The following GPS1 variants were observed in gnomAD, a reference collection of about 807,000 sequenced individuals.
The protein encoded by GPS1 is COP9 signalosome complex subunit 1.
A neutral mutation model predicts 60.0 loss-of-function variants in GPS1; 11 were observed. The observed-to-expected ratio is 0.18, with a 90% CI of 0.12 to 0.30. The LOEUF (loss-of-function observed/expected upper bound fraction) is 0.30. Among genes scored for constraint, GPS1 ranks in the 10% least tolerant of loss-of-function variants. The pLI, the probability that GPS1 is intolerant of heterozygous loss-of-function variation, is 1.00. For missense variants in GPS1, 543 were observed against 669.2 expected, an observed-to-expected ratio of 0.81 and a Z score of 2.08; for synonymous variants, 343 against 269.8, an observed-to-expected ratio of 1.27 and a Z score of -2.66.
intron 3 of GPS1, 194 bp from the exon 4 acceptor site, chr17:82,054,316 G>C: frequency 1.2e-6 from 1 of 845,036 alleles, no homozygotes; most frequent in Non-Finnish European, 1.8e-6. Context: ...CCACCCGGCT[G>C]TAGGCTCCTG....
chr17:82,057,381 C>G lies in GPS1; in HGVS notation c.*254C>G. ...GAGCAGACTGTGCGGCACCCAGGCCCAGTGGCACCATTTCCCAGACCCCTC... is the reference window on the plus strand; with the variant it reads ...GAGCAGACTGTGCGGCACCCAGGCCGAGTGGCACCATTTCCCAGACCCCTC... On this transcript the variant is annotated 3_prime_UTR_variant, in exon 13 of 13. Coordinates refer to ENST00000578552, the MANE Select transcript of GPS1 (RefSeq NM_001321092.3). 1 of 676,610 alleles carries G rather than the reference C, an allele frequency of 1.5e-6. No homozygotes were observed. Among genetic ancestry groups the G allele is most frequent in the South Asian group, 1.5e-5 (1 of 66,476 alleles). 41.9% of individuals were successfully genotyped at this position (676,610 alleles called of 1,614,324 possible). A position where few individuals can be genotyped will look rare whatever the true frequency, so the allele number is the denominator to read the frequency against.
chr17:82,052,597 G>C, intron 1 of GPS1: 1 of 1,053,166 alleles, frequency 9.5e-7, no homozygotes, highest in Non-Finnish European at 1.3e-6. Flanking sequence ...AGGGAGCCCC[G>C]GTGGGCCCGG....
At position 82,056,365 on chromosome 17, in the gene GPS1, T is replaced by C. The variant is rs1598525098; in HGVS notation, c.1009T>C (p.Cys337Arg). ...FKFYESKYAS[C>R]LKMLDEMKDN... ...ATTCTACGAGTCCAAGTACGCCTCA[T>C]GTCTCAAGATGCTGGACGAGATGAA... The change falls in exon 9 of 13, where the codon TGT becomes CGT. Residue 337 changes from cysteine (C) to arginine (R), a missense_variant. By Grantham distance (180) the Cys-to-Arg change is radical. Coordinates refer to ENST00000578552, the MANE Select transcript of GPS1 (RefSeq NM_001321092.3). 1 of 1,613,184 alleles carries C rather than the reference T, an allele frequency of 6.2e-7. No individual in the cohort carries two copies. Among genetic ancestry groups the C allele is most frequent in the Non-Finnish European group, 8.5e-7 (1 of 1,179,862 alleles).
chr17:82,051,222 G>C, upstream of GPS1: 1 of 1,311,656 alleles, frequency 7.6e-7, no homozygotes, highest in East Asian at 3.0e-5. This position sits in a 1 kb window ranked among gnomAD's most constrained non-coding sequence, Gnocchi z 4.1. Context: ...AGCAGCGAAG[G>C]GGCCGTGGCT....
In GPS1 at chr17:82,055,775, G is replaced by T; in HGVS notation, c.784G>T (p.Ala262Ser). ...GCTGGCCGCCAGGAAGTACAAGCAG[G>T]CTGCCAAGTGCCTCCTGCTGGCTTC... ...AELAARKYKQ[A>S]AKCLLLASFD... Residue 262 changes from alanine to serine, a missense_variant, in exon 7 of 13, where the codon GCT becomes TCT. By Grantham distance (99) the Ala-to-Ser change is moderately conservative (BLOSUM62 1). Around this residue, in one of 3 missense-constraint regions of GPS1, gnomAD observed 291 missense variants for 353.7 expected, o/e 0.82. Transcript: ENST00000578552. The T allele has an allele frequency of 6.4e-7, 1 of 1,563,260 alleles. No individual in the cohort carries two copies. Among genetic ancestry groups the T allele is most frequent in the Non-Finnish European group, 8.7e-7 (1 of 1,153,446 alleles).
chr17:82,055,443 G>A (rs757300121), intron 6 of GPS1: 14 of 624,186 alleles, frequency 2.2e-5, no homozygotes, highest in Middle Eastern at 2.7e-4. Flanking sequence ...CACTGTGGGC[G>A]TGAGGCAGGT....
chr17:82,057,073 C>T lies in GPS1; in HGVS notation c.1410C>T (p.Ser470=). ...TGCAGTCCCCGCCCAGAGAAGGGAG[C>T]CAGGGGGAGCTGACTCCAGCCAACA... ...IHVKSPPREG[S]QGELTPANSQ... is the part of the protein sequence containing the mutation. The change falls in exon 13 of 13, where the codon AGC becomes AGT. Residue 470 remains serine, a synonymous_variant. Coordinates refer to ENST00000578552, the MANE Select transcript of GPS1 (RefSeq NM_001321092.3). The T allele has an allele frequency of 3.2e-6, 5 of 1,586,108 alleles. No homozygotes were observed. The highest frequency in any genetic ancestry group is 1.1e-5 in the South Asian group (1 of 87,154).
chr17:82,054,940 G>A lies in GPS1; in HGVS notation c.652G>A (p.Val218Ile), dbSNP rs2032171880. 1.9e-6 allele frequency: 3 copies of A among 1,611,432 alleles called. No individual in the cohort carries two copies. Among genetic ancestry groups the A allele is most frequent in the African/African-American group, 1.3e-5 (1 of 74,980 alleles). ...LQNWSHVLSY[V>I]SKAESTPEIA... The stretch of plus-strand genomic sequence containing the variant: ...GAATTGGTCTCATGTGCTCAGCTAC[G>A]TCAGCAAGGCTGAGTCCACCCCAGA... The change falls in exon 5 of 13, where the codon GTC becomes ATC. Residue 218 changes from valine (V) to isoleucine (I), a missense_variant. Physicochemically the swap from Val to Ile is conservative, Grantham distance 29 (BLOSUM62 3). Around this residue, in one of 3 missense-constraint regions of GPS1, gnomAD observed 71 missense variants for 126.7 expected, o/e 0.56. Transcript: ENST00000578552.
chr17:82,054,276 G>A, intron 3 of GPS1: 1 of 737,912 alleles, frequency 1.4e-6, no homozygotes, highest in Non-Finnish European at 2.1e-6. Flanking sequence ...TGGAGACTGT[G>A]GCTCAGGGGC....
At chr17:82,053,634 C>T (rs893043949) in intron 2 of GPS1, 16 of 557,886 alleles carry the variant, frequency 2.9e-5, no homozygotes, top group Non-Finnish European at 4.0e-5. Context: ...TGTCTATCCC[C>T]GAAAGCCCCC....
chr17:82,050,969 G>C, upstream of GPS1: 3 of 1,429,074 alleles, frequency 2.1e-6, no homozygotes, highest in Non-Finnish European at 2.7e-6. Context: ...CCATCGGTTG[G>C]GATCTCTTGA....
At chr17:82,051,550 GC>G, upstream of GPS1, 1 of 1,397,918 alleles carries the variant, frequency 7.2e-7, no homozygotes, top group Non-Finnish European at 9.3e-7. This position sits in a 1 kb window ranked among gnomAD's most constrained non-coding sequence, Gnocchi z 4.1. Flanking sequence ...CGCAGGCGCG[GC>G]CCGTGGTTCT....
In GPS1 at chr17:82,057,329, T is replaced by C. The variant is rs1033546082; in HGVS notation, c.*202T>C. The C allele has an allele frequency of 8.0e-6, 6 of 754,426 alleles. No homozygotes were observed. The East Asian group carries it at 1.3e-4, about 17-fold the overall frequency. The allele number at this position is 754,426 out of a possible 1,614,324, so 46.7% of individuals were successfully genotyped here. ...TCCTGGAAGGAGAGGCCTGCAGGGC[T>C]CGACCCTGTGGGTTTCTGTCCCCAG... is the stretch of plus-strand genomic sequence containing the variant. On this transcript the variant is annotated 3_prime_UTR_variant, in exon 13 of 13. Transcript: ENST00000578552.
intron 2 of GPS1, 130 bp from the exon 3 acceptor site, chr17:82,053,738 C>A: frequency 3.4e-6 from 3 of 888,502 alleles, no homozygotes; most frequent in Non-Finnish European, 3.3e-6. Context: ...TACCCCCATG[C>A]CCGGTTCTGG....
chr17:82,054,487 C>T (rs747510042), intron 3 of GPS1, 23 bp from the exon 4 acceptor site: 1 of 1,480,148 alleles, frequency 6.8e-7, no homozygotes, highest in African/African-American at 1.4e-5. Context: ...CGCCGCCATC[C>T]TGATGGCCAG....
At chr17:82,052,459 G>T in intron 1 of GPS1, 1 of 1,610,720 alleles carries the variant, frequency 6.2e-7, no homozygotes, top group Non-Finnish European at 8.5e-7. Flanking sequence ...TGCTCTACGA[G>T]GTACCTTCCA....
At chr17:82,051,760 G>A (rs527415468), upstream of GPS1, 70 of 1,093,216 alleles carry the variant, frequency 6.4e-5, 1 homozygote, top group African/African-American at 4.9e-4. This position sits in a 1 kb window ranked among gnomAD's most constrained non-coding sequence, Gnocchi z 4.1. Flanking sequence ...CCACGCGCGC[G>A]GCTCATGCGG....
Position 82,056,466 on chromosome 17 carries a change from C to T in GPS1, c.1036-4C>T, listed in dbSNP as rs1007124731. ...GTCCTGGTCCTGACCAGCCCCTTCCCCAGGACAACCTGCTCCTGGACATGT... is the reference window on the plus strand; with the variant it reads ...GTCCTGGTCCTGACCAGCCCCTTCCTCAGGACAACCTGCTCCTGGACATGT... On this transcript the variant is annotated splice_region_variant and splice_polypyrimidine_tract_variant and intron_variant, in intron 9 of 12. Coordinates refer to ENST00000578552, the MANE Select transcript of GPS1 (RefSeq NM_001321092.3). 1.2e-6 allele frequency: 2 copies of T among 1,613,140 alleles called. No individual in the cohort carries two copies. The highest frequency in any genetic ancestry group is 1.3e-5 in the African/African-American group (1 of 75,032).
At chr17:82,052,819 A>G (rs2031248509) in intron 1 of GPS1, 1 of 329,438 alleles carries the variant, frequency 3.0e-6, no homozygotes, top group South Asian at 3.6e-5. Context: ...CTCTCAGCCC[A>G]GTATTGCTGC....
Sources: allele counts gnomAD v4.1 joint callset, GRCh38; gene constraint gnomAD v4.1.1; regional missense constraint gnomAD v4.1.1; non-coding constraint Gnocchi (gnomAD v3.1); transcripts MANE v1.5; gene names NCBI Gene and HGNC (gene_info 2026-07-23, HGNC 2026-07-21).